Variants in PXDN observed in about 807,000 individuals in gnomAD.
PXDN encodes peroxidasin homolog.
Under a neutral mutation model 140.3 loss-of-function variants are expected in PXDN, and 77 were observed. The ratio of observed to expected loss-of-function variants is 0.55; its 90% CI spans 0.46 to 0.66. PXDN has a LOEUF of 0.66. PXDN is among the 30% of genes least tolerant of loss of function. The pLI is 0.00. For missense variants in PXDN, 1,838 were observed against 2,039.5 expected (o/e 0.90, Z 1.90); for synonymous variants, 911 against 857.4 (o/e 1.06, Z -1.09).
At chr2:1,710,626 C>CACCAGCACCCACTCT (rs1558520598) in intron 1 of PXDN, among the ~76,000 whole-genome samples, 3 of 122,664 alleles carry the variant, frequency 2.4e-5, no homozygotes, top group South Asian at 2.8e-4. Flanking sequence ...ACCCACTCTC[C>CACCAGCACCCACTCT]ACCAGCACCC....
Position 1,648,959 on chromosome 2 carries a change from C to T in PXDN, c.2821G>A (p.Val941Met), listed in dbSNP as rs189824177. 6,494 of 1,607,360 alleles carry T rather than the reference C, an allele frequency of 4.0e-3. 21 individuals carry two copies. Among genetic ancestry groups the T allele is most frequent in the Non-Finnish European group, 4.6e-3 (5,439 of 1,177,060 alleles). Residue 941 changes from valine to methionine, a missense_variant, in exon 17 of 23, where the codon GTG becomes ATG. Coordinates refer to ENST00000252804, the MANE Select transcript of PXDN (RefSeq NM_012293.3). The surrounding 1 kb of genome is among the most constrained non-coding windows in gnomAD (Gnocchi z 8.9). The part of the protein sequence containing the change: ...SHRGLLRQGI[V>M]QRSGKPLLPF... ...AGCAGCGGCTTCCCGGACCGCTGCA[C>T]GATGCCCTGCCGCAGCAGGCCGCGG...
At chr2:1,681,858 G>A (rs1255426500) in intron 6 of PXDN, among the ~76,000 whole-genome samples, 1 of 152,206 alleles carries the variant, frequency 6.6e-6, no homozygotes, top group Non-Finnish European at 1.5e-5. Context: ...AGCTGCTCAG[G>A]GCACCCAAGG....
Position 1,648,627 on chromosome 2 carries a change from G to C in PXDN, c.3153C>G (p.His1051Gln). 1 of 1,611,452 alleles carries C rather than the reference G, an allele frequency of 6.2e-7. No homozygotes were observed. ...CAGCATTGATGCCGGGGTCGTAGCC[G>C]TGGTACTCTCCCAGCGTCCTCATGC... ...EVGMRTLGEY[H>Q]GYDPGINAGI... Residue 1051 changes from histidine (H) to glutamine (Q), a missense_variant, in exon 17 of 23, where the codon CAC becomes CAG. Physicochemically the swap from His to Gln is conservative, Grantham distance 24 (BLOSUM62 0). Around this residue, in one of 5 missense-constraint regions of PXDN, gnomAD observed 850 missense variants for 894.1 expected, o/e 0.95. Coordinates refer to ENST00000252804, the MANE Select transcript of PXDN (RefSeq NM_012293.3). This position sits in a 1 kb window ranked among gnomAD's most constrained non-coding sequence, Gnocchi z 8.9.
In PXDN at chr2:1,680,185, C is replaced by T; in HGVS notation, c.730+8G>A. ...GTGTGGATGGTGTGTGCGTGTCGGG[C>T]CACTCACCACAGTTCAGCTCTTCCG... On this transcript the variant is annotated splice_region_variant and intron_variant, in intron 7 of 22. Transcript: ENST00000252804. 3.2e-6 allele frequency: 5 copies of T among 1,550,778 alleles called. No homozygotes were observed. The highest frequency in any genetic ancestry group is 4.4e-6 in the Non-Finnish European group (5 of 1,145,884).
At chr2:1,654,286 C>G in intron 15 of PXDN, 114 bp downstream of exon 15, 1 of 684,106 alleles carries the variant, frequency 1.5e-6, no homozygotes, top group Non-Finnish European at 2.4e-6. Flanking sequence ...TTTTGATCAT[C>G]AGATAATCAA....
In PXDN at chr2:1,649,219, T is replaced by TCGTTGCTGCACA. The variant is rs772449441; in HGVS notation, c.2549_2560dup (p.Val850_Asn853dup). 2 of 874,956 alleles carry TCGTTGCTGCACA rather than the reference T, an allele frequency of 2.3e-6. No individual in the cohort carries two copies. The highest frequency in any genetic ancestry group is 3.5e-6 in the Non-Finnish European group (2 of 575,168). The allele number at this position is 874,956 out of a possible 1,614,324, so 54.2% of individuals were successfully genotyped here. Reference sequence around the variant, plus strand: ...GATCATGACAGAGAAGCAGGGGGGGTCGTTGCTGCACACGTTGCTGCAGTG... The same window carrying TCGTTGCTGCACA: ...GATCATGACAGAGAAGCAGGGGGGGTCGTTGCTGCACACGTTGCTGCACACGTTGCTGCAGTG... On this transcript the variant is annotated inframe_insertion, in exon 17 of 23. Coordinates refer to ENST00000252804, the MANE Select transcript of PXDN (RefSeq NM_012293.3). The surrounding 1 kb of genome is among the most constrained non-coding windows in gnomAD (Gnocchi z 7.1).
At chr2:1,722,757 G>C (rs892801331) in intron 1 of PXDN, among the ~76,000 whole-genome samples, 1 of 152,198 alleles carries the variant, frequency 6.6e-6, no homozygotes, top group Non-Finnish European at 1.5e-5. Flanking sequence ...AATATGGGAG[G>C]GGGGTACGAG....
rs771062856 is a variant in PXDN at position 1,635,518 on chromosome 2, T to C, written c.4210A>G (p.Lys1404Glu). The C allele has an allele frequency of 1.9e-6, 3 of 1,581,128 alleles. No homozygotes were observed. The highest frequency in any genetic ancestry group is 1.2e-5 in the South Asian group (1 of 86,544). Residue 1404 changes from lysine (K) to glutamate (E), a missense_variant, in exon 22 of 23, where the codon AAG becomes GAG. Transcript: ENST00000252804. ...GTACTGAGCCGTGATTCAAGTTTCT[T>C]TATCTGCAGCAATGCAAAGAACATT... ...KTITDLRTQIKKLESRLSTTE... is the reference protein window; with the variant it reads ...KTITDLRTQIEKLESRLSTTE...
At chr2:1,697,727 C>T (rs940841009) in intron 1 of PXDN, among the ~76,000 whole-genome samples, 2 of 152,196 alleles carry the variant, frequency 1.3e-5, no homozygotes, top group African/African-American at 4.8e-5. Flanking sequence ...AGTGACGTCT[C>T]CCCAGGGGGC....
chr2:1,642,746 C>T (rs112863474), intron 19 of PXDN, among the ~76,000 whole-genome samples: 1,861 of 152,348 alleles, frequency 0.012, 19 homozygotes, highest in Middle Eastern at 0.02. Flanking sequence ...GGAGAACCAT[C>T]GCCTCACACA....
chr2:1,696,407 C>T (rs191454405), intron 1 of PXDN, among the ~76,000 whole-genome samples: 9 of 152,126 alleles, frequency 5.9e-5, no homozygotes, highest in South Asian at 2.1e-4. Flanking sequence ...ACAAACGGTC[C>T]CCTTTACTGC....
intron 14 of PXDN, among the ~76,000 whole-genome samples, chr2:1,656,649 C>G (rs1683141821): frequency 6.6e-6 from 1 of 151,040 alleles, no homozygotes; most frequent in Non-Finnish European, 1.5e-5. Context: ...CCTGCACACT[C>G]CTGACTGAAA....
rs1558494511 is a variant in PXDN, at chr2:1,658,080, CT to C, written c.1837+2800del. Among the ~76,000 whole-genome samples the C allele has an allele frequency of 7.8e-3, 550 of 70,302 alleles. 115 individuals are homozygous for C. The highest frequency in any genetic ancestry group is 0.029 in the East Asian group (87 of 3,020). 46.1% of individuals were successfully genotyped at this position (70,302 alleles called of 152,430 possible). A position where few individuals can be genotyped will look rare whatever the true frequency, so the allele number is the denominator to read the frequency against. On this transcript the variant is annotated intron_variant, in intron 14 of 22. Coordinates refer to ENST00000252804, the MANE Select transcript of PXDN (RefSeq NM_012293.3). The stretch of plus-strand genomic sequence containing the variant: ...TCTCTCTCTCTCTCTCTCTCTCTCT[CT>C]CTCTCTCTCTCTGTTACAGTGTCTG...
At chr2:1,725,264 A>C (rs1385858854) in intron 1 of PXDN, among the ~76,000 whole-genome samples, 1 of 152,222 alleles carries the variant, frequency 6.6e-6, no homozygotes, top group Non-Finnish European at 1.5e-5. Context: ...TGGAATCTTT[A>C]GGATTTTCTA....
intron 19 of PXDN, among the ~76,000 whole-genome samples, chr2:1,642,848 G>A (rs1682760655): frequency 6.6e-6 from 1 of 152,176 alleles, no homozygotes; most frequent in Non-Finnish European, 1.5e-5. Context: ...GCGTCCCTCA[G>A]CTACAGGGCC....
intron 1 of PXDN, among the ~76,000 whole-genome samples, chr2:1,711,712 C>T (rs1229082883): frequency 6.6e-6 from 1 of 152,210 alleles, no homozygotes; most frequent in Non-Finnish European, 1.5e-5. Context: ...AGGAGGGCCA[C>T]CTGCAGGATC....
chr2:1,701,862 T>C (rs192089299), intron 1 of PXDN, among the ~76,000 whole-genome samples: 1 of 152,142 alleles, frequency 6.6e-6, no homozygotes, highest in Non-Finnish European at 1.5e-5. Context: ...TCTTGTCCTG[T>C]CCACAATGTG....
chr2:1,639,546 G>A lies in PXDN; in HGVS notation c.3953-124C>T, dbSNP rs1682665571. The A allele has an allele frequency of 7.0e-7, 1 of 1,423,228 alleles. No homozygotes were observed. The highest frequency in any genetic ancestry group is 1.8e-5 in the Admixed American group (1 of 55,076). 88.2% of individuals were successfully genotyped at this position (1,423,228 alleles called of 1,614,324 possible). On this transcript the variant is annotated intron_variant, in intron 19 of 22. Coordinates refer to ENST00000252804, the MANE Select transcript of PXDN (RefSeq NM_012293.3). The surrounding 1 kb of genome is among the most constrained non-coding windows in gnomAD (Gnocchi z 5.0). Reference sequence around the variant, plus strand: ...GTGGAACAAACTGTGGCACATTTCAGTGAGGCAACCTGGCAGCTGGTCTGC... The same window carrying A: ...GTGGAACAAACTGTGGCACATTTCAATGAGGCAACCTGGCAGCTGGTCTGC...
intron 14 of PXDN, among the ~76,000 whole-genome samples, 172 bp from the exon 15 acceptor site, chr2:1,654,680 T>C (rs1683090204): frequency 6.6e-6 from 1 of 152,368 alleles, no homozygotes; most frequent in African/African-American, 2.4e-5. Context: ...AGAAGCCGTT[T>C]CAGACAGCAT....
Sources: gnomAD v4.1 joint callset for allele counts (sites outside exome capture counted in the v4.1 genomes callset) on GRCh38, gnomAD v4.1.1 for gene constraint, gnomAD v4.1.1 regional missense constraint, Gnocchi (gnomAD v3.1) non-coding constraint, MANE v1.5 for transcripts, NCBI Gene and HGNC (gene_info 2026-07-23, HGNC 2026-07-21) for gene names.